The following PRKAR2A variants were observed in gnomAD, a reference collection of about 807,000 sequenced individuals.
The protein encoded by PRKAR2A is cAMP-dependent protein kinase type II-alpha regulatory subunit.
Under a neutral mutation model 51.9 loss-of-function variants are expected in PRKAR2A, and 29 were observed. The observed-to-expected ratio is 0.56, with a 90% CI of 0.42 to 0.76. The LOEUF (loss-of-function observed/expected upper bound fraction) is 0.76, where lower values mean the gene tolerates loss of function less well. Among genes scored for constraint, PRKAR2A ranks in the 30% least tolerant of loss-of-function variants. The pLI is 0.00. For missense variants in PRKAR2A, 445 were observed against 512.1 expected, an observed-to-expected ratio of 0.87 and a Z score of 1.26; for synonymous variants, 178 against 186.2, an observed-to-expected ratio of 0.96 and a Z score of 0.36.
At chr3:48,838,793 AC>A (rs1178880458) in intron 1 of PRKAR2A, among the ~76,000 whole-genome samples, 3 of 151,186 alleles carry the variant, frequency 2.0e-5, no homozygotes, top group African/African-American at 7.3e-5. Context: ...CCCGGCTAAC[AC>A]GGTGAAACCC....
chr3:48,794,614 G>C (rs1314282606), intron 2 of PRKAR2A, among the ~76,000 whole-genome samples: 1 of 151,906 alleles, frequency 6.6e-6, no homozygotes, highest in Non-Finnish European at 1.5e-5. Context: ...AGAAGCGCTT[G>C]AACTTGGGAG....
chr3:48,777,391 A>G (rs976708411), intron 5 of PRKAR2A, among the ~76,000 whole-genome samples: 4 of 151,932 alleles, frequency 2.6e-5, no homozygotes, highest in African/African-American at 9.7e-5. Flanking sequence ...TGCCTAAATT[A>G]ATTTCTATCC....
intron 1 of PRKAR2A, among the ~76,000 whole-genome samples, chr3:48,838,242 T>C (rs577111041): frequency 1.3e-5 from 2 of 151,832 alleles, no homozygotes; most frequent in East Asian, 3.9e-4. Flanking sequence ...GATAGGCAAA[T>C]GGTAGAGACA....
In PRKAR2A at chr3:48,847,445, G is replaced by T; in HGVS notation, c.152C>A (p.Pro51His). ...CAGGCTCTGGCGTGGGGTGGCGGCG[G>T]GCAGGACTGAGGCTGGGGCGCGGGC... ...REARAPASVL[P>H]AATPRQSLGH... The change falls in exon 1 of 11, where the codon CCC (proline) becomes CAC (histidine). Residue 51 changes from proline to histidine, a missense_variant. By Grantham distance (77) the Pro-to-His change is moderately conservative (BLOSUM62 -2). Coordinates refer to ENST00000265563, the MANE Select transcript of PRKAR2A (RefSeq NM_004157.4). The surrounding 1 kb of genome is among the most constrained non-coding windows in gnomAD (Gnocchi z 4.4). 1.9e-6 allele frequency: 3 copies of T among 1,578,974 alleles called. No homozygotes were observed. The South Asian group carries it at 3.4e-5, about 18-fold the overall frequency.
intron 1 of PRKAR2A, among the ~76,000 whole-genome samples, chr3:48,825,365 G>A (rs916818525): frequency 2.6e-5 from 4 of 152,142 alleles, no homozygotes; most frequent in Non-Finnish European, 5.9e-5. Context: ...GAGTGCAGTG[G>A]CTATTCACAG....
chr3:48,764,987 G>A lies in PRKAR2A; in HGVS notation c.873+17C>T, dbSNP rs747872704. On this transcript the variant is annotated intron_variant, in intron 8 of 10. Transcript: ENST00000265563. ...GGGTGACTTCCAGGAAAGGAGCTGC[G>A]TAAAGCCCTCACTCACCTGAGTGAT... The A allele has an allele frequency of 1.9e-5, 31 of 1,609,668 alleles. No individual in the cohort carries two copies. The highest frequency in any genetic ancestry group is 1.8e-4 in the East Asian group (8 of 44,860).
At chr3:48,772,814 T>C in intron 6 of PRKAR2A, 141 bp downstream of exon 6, 2 of 867,072 alleles carry the variant, frequency 2.3e-6, no homozygotes, top group Non-Finnish European at 3.2e-6. Flanking sequence ...CTATTTTTTT[T>C]GTATTTTTTA....
chr3:48,815,707 AAAAGAAGAAG>A (rs1295883788), intron 1 of PRKAR2A, among the ~76,000 whole-genome samples: 1 of 150,042 alleles, frequency 6.7e-6, no homozygotes, highest in Non-Finnish European at 1.5e-5. Flanking sequence ...GAAAAAAAAA[AAAAGAAGAAG>A]AAAGAAGAAG....
chr3:48,806,195 T>C (rs905890619), intron 2 of PRKAR2A, among the ~76,000 whole-genome samples: 2 of 152,118 alleles, frequency 1.3e-5, no homozygotes, highest in Non-Finnish European at 2.9e-5. Context: ...TCTGAAAACA[T>C]AAATGAGCCG....
intron 3 of PRKAR2A, among the ~76,000 whole-genome samples, chr3:48,793,661 T>C (rs1021199333): frequency 6.6e-6 from 1 of 151,774 alleles, no homozygotes; most frequent in Non-Finnish European, 1.5e-5. Flanking sequence ...ACCAGCTAAT[T>C]TTTTTTTCCC....
At chr3:48,767,970 A>C (rs748651198) in intron 6 of PRKAR2A, among the ~76,000 whole-genome samples, 1 of 150,462 alleles carries the variant, frequency 6.6e-6, no homozygotes, top group South Asian at 2.1e-4. Context: ...GAAAACCCCA[A>C]TATTTTATTT....
rs558602833 is a variant in PRKAR2A at position 48,829,746 on chromosome 3, C to T, written c.262+17589G>A. On this transcript the variant is annotated intron_variant, in intron 1 of 10. Coordinates refer to ENST00000265563, the MANE Select transcript of PRKAR2A (RefSeq NM_004157.4). ...TTTTATATATACGTTTATATATACG[C>T]ATATATTTTATATACATACGTATAT... is the stretch of plus-strand genomic sequence containing the variant. Among the ~76,000 whole-genome samples, 52 of 128,968 alleles carry T rather than the reference C, an allele frequency of 4.0e-4. 1 individual carries two copies. Among genetic ancestry groups the T allele is most frequent in the Middle Eastern group, 9.5e-3 (2 of 210 alleles). 84.6% of individuals were successfully genotyped at this position (128,968 alleles called of 152,430 possible).
chr3:48,821,355 C>T (rs2082956767), intron 1 of PRKAR2A, among the ~76,000 whole-genome samples: 2 of 152,188 alleles, frequency 1.3e-5, no homozygotes, highest in African/African-American at 4.8e-5. Context: ...CCTACCCATC[C>T]CCACTCCCTT....
intron 1 of PRKAR2A, among the ~76,000 whole-genome samples, chr3:48,815,353 T>A (rs574773380): frequency 6.6e-6 from 1 of 150,848 alleles, no homozygotes; most frequent in African/African-American, 2.4e-5. Context: ...TATATATATA[T>A]ATGACTTAGC....
At chr3:48,802,978 A>G (rs916464538) in intron 2 of PRKAR2A, among the ~76,000 whole-genome samples, 13 of 152,222 alleles carry the variant, frequency 8.5e-5, no homozygotes, top group Non-Finnish European at 1.9e-4. Context: ...AAGAATATAT[A>G]TGGTGATGGG....
chr3:48,789,186 G>A (rs971997568), intron 4 of PRKAR2A, among the ~76,000 whole-genome samples: 1 of 152,162 alleles, frequency 6.6e-6, no homozygotes. Context: ...CAAATTATCA[G>A]TATTGTCTTG....
chr3:48,760,766 C>G (rs1233532304), intron 8 of PRKAR2A, among the ~76,000 whole-genome samples: 1 of 136,432 alleles, frequency 7.3e-6, no homozygotes. Context: ...ACACAGGAGG[C>G]GGGGGTGGTG....
chr3:48,843,627 C>T (rs1424777438), intron 1 of PRKAR2A, among the ~76,000 whole-genome samples: 1 of 152,068 alleles, frequency 6.6e-6, no homozygotes, highest in African/African-American at 2.4e-5. Context: ...GGTACTGGTA[C>T]CAAAACAGAG....
intron 1 of PRKAR2A, among the ~76,000 whole-genome samples, chr3:48,837,174 T>C (rs999296775): frequency 3.3e-5 from 5 of 151,840 alleles, no homozygotes; most frequent in Non-Finnish European, 7.4e-5. Flanking sequence ...AAAAAAAAAT[T>C]AGCCACTTAT....
Sources: allele counts gnomAD v4.1 joint callset (sites outside exome capture counted in the v4.1 genomes callset), GRCh38; gene constraint gnomAD v4.1.1; non-coding constraint Gnocchi (gnomAD v3.1); transcripts MANE v1.5; gene names NCBI Gene and HGNC (gene_info 2026-07-23, HGNC 2026-07-21).